PDE10A: variants seen among roughly 807,000 people sequenced by gnomAD.
The protein encoded by PDE10A is cAMP and cAMP-inhibited cGMP 3',5'-cyclic phosphodiesterase 10A.
In PDE10A, 39 loss-of-function variants were observed where a neutral mutation model predicts 97.7. That is an observed-to-expected ratio of 0.40 (90% CI 0.31 to 0.52). The LOEUF is 0.52. Among genes scored for constraint, PDE10A ranks in the 20% least tolerant of loss-of-function variants. PDE10A has a pLI of 0.56. For synonymous variants in PDE10A, 371 were observed against 376.8 expected, an observed-to-expected ratio of 0.98 and a Z score of 0.18; for missense variants, 731 against 1,047.8, an observed-to-expected ratio of 0.70 and a Z score of 4.17.
intron 1 of PDE10A, among the ~76,000 whole-genome samples, chr6:165,950,407 T>A (rs1197762690): frequency 1.3e-5 from 2 of 152,216 alleles, no homozygotes; most frequent in Non-Finnish European, 2.9e-5. Flanking sequence ...AATTTTTAGC[T>A]TCTGATTTCT....
rs1554256589 is a variant in PDE10A at position 165,406,228 on chromosome 6, A to ATGTGTGTGTTTGTGTG, written c.2076+7272_2076+7273insCACACAAACACACACA. ...TTCAAATTCAAGATGAGGGAAAAGG[A>ATGTGTGTGTTTGTGTG]TGTGTGTGTGTGTGTGTGTGTGTGT... On this transcript the variant is annotated intron_variant, in intron 13 of 21. Transcript: ENST00000539869. 2.0e-3 allele frequency among the ~76,000 whole-genome samples: 274 copies of ATGTGTGTGTTTGTGTG among 140,512 alleles called. 1 individual carries two copies. Among genetic ancestry groups the ATGTGTGTGTTTGTGTG allele is most frequent in the East Asian group, 0.016 (80 of 4,908 alleles). The allele number at this position is 140,512 out of a possible 152,430, so 92.2% of individuals were successfully genotyped here.
At chr6:165,742,726 T>C (rs1047024325) in intron 1 of PDE10A, among the ~76,000 whole-genome samples, 13 of 152,128 alleles carry the variant, frequency 8.5e-5, no homozygotes, top group Non-Finnish European at 1.5e-4. Context: ...TGTAGATAAG[T>C]GGTCCCAGCT....
chr6:165,888,279 T>G (rs1781684332), intron 1 of PDE10A, among the ~76,000 whole-genome samples: 1 of 148,656 alleles, frequency 6.7e-6, no homozygotes, highest in African/African-American at 2.6e-5. Context: ...TACCTATGCT[T>G]GCTTTTCTTT....
chr6:165,542,606 CTTG>C (rs993057461), intron 2 of PDE10A, among the ~76,000 whole-genome samples: 1 of 133,330 alleles, frequency 7.5e-6, no homozygotes, highest in Non-Finnish European at 1.6e-5. Flanking sequence ...AAAAGATGTC[CTTG>C]TTCTTTTTTT....
intron 3 of PDE10A, among the ~76,000 whole-genome samples, chr6:165,457,414 C>G (rs1051559785): frequency 6.6e-6 from 1 of 152,130 alleles, no homozygotes; most frequent in Non-Finnish European, 1.5e-5. Flanking sequence ...CTGTTCCACG[C>G]TGATTTCATG....
intron 16 of PDE10A, among the ~76,000 whole-genome samples, chr6:165,391,035 C>T (rs1310542803): frequency 2.0e-5 from 3 of 152,102 alleles, no homozygotes; most frequent in African/African-American, 7.2e-5. Context: ...TAAAAGTTAT[C>T]ATCTTTCCAG....
intron 2 of PDE10A, among the ~76,000 whole-genome samples, chr6:165,496,908 A>G (rs1199254951): frequency 1.3e-5 from 2 of 152,206 alleles, no homozygotes; most frequent in African/African-American, 4.8e-5. Context: ...TTTAAGCATC[A>G]AAAGCTAAGC....
intron 1 of PDE10A, among the ~76,000 whole-genome samples, chr6:165,659,270 C>A (rs577948027): frequency 2.0e-5 from 3 of 151,060 alleles, no homozygotes; most frequent in Admixed American, 2.0e-4. Flanking sequence ...AACAGAAGAT[C>A]AAACTGAAAG....
At chr6:165,348,073 A>C (rs1782436612) in intron 18 of PDE10A, among the ~76,000 whole-genome samples, 1 of 152,200 alleles carries the variant, frequency 6.6e-6, no homozygotes, top group African/African-American at 2.4e-5. Context: ...AAAGACTTCA[A>C]GGGAAGTGGA....
chr6:165,815,114 G>T (rs533476500), intron 1 of PDE10A, among the ~76,000 whole-genome samples: 4 of 152,312 alleles, frequency 2.6e-5, no homozygotes, highest in African/African-American at 9.6e-5. Context: ...AAATAGATGA[G>T]CAGGAGAGGC....
intron 2 of PDE10A, among the ~76,000 whole-genome samples, chr6:165,490,343 C>A (rs918392671): frequency 2.6e-5 from 4 of 152,120 alleles, no homozygotes; most frequent in African/African-American, 7.2e-5. Flanking sequence ...TCCAGTGAAA[C>A]TAAGCTTCAA....
chr6:165,788,016 C>T (rs1319230151), intron 1 of PDE10A, among the ~76,000 whole-genome samples: 3 of 152,134 alleles, frequency 2.0e-5, no homozygotes, highest in Non-Finnish European at 4.4e-5. Flanking sequence ...TATAGACATT[C>T]ATTTAAATCT....
At chr6:165,604,520 A>T (rs949182325) in intron 1 of PDE10A, among the ~76,000 whole-genome samples, 220 of 32,570 alleles carry the variant, frequency 6.8e-3, no homozygotes, top group African/African-American at 0.039. Context: ...CTCTTTGTTA[A>T]AAAAAAAAAA....
intron 1 of PDE10A, among the ~76,000 whole-genome samples, chr6:165,596,310 G>C (rs182426443): frequency 2.1e-4 from 32 of 152,302 alleles, no homozygotes; most frequent in African/African-American, 7.7e-4. Flanking sequence ...ACCAGCCCTT[G>C]CCTGGTTTGG....
Position 165,390,145 on chromosome 6 carries a change from G to GA in PDE10A, c.2455-1693dup, listed in dbSNP as rs970851254. ...AAGTCTGAGGAAAGAGAAGGATTAA[G>GA]AAAAAAACAACAAAACAAAAACAAA... On this transcript the variant is annotated intron_variant, in intron 16 of 21. Coordinates refer to ENST00000539869, the MANE Select transcript of PDE10A (RefSeq NM_001385079.1). Among the ~76,000 whole-genome samples, 324 of 152,172 alleles carry GA rather than the reference G, an allele frequency of 2.1e-3. 1 individual carries two copies. The highest frequency in any genetic ancestry group is 6.7e-3 in the African/African-American group (277 of 41,524).
In PDE10A at chr6:165,749,650, C is replaced by G. The variant is rs77741514; in HGVS notation, c.-614-206082G>C. Among the ~76,000 whole-genome samples, 274 of 152,362 alleles carry G rather than the reference C, an allele frequency of 1.8e-3. 1 individual carries two copies. The highest frequency in any genetic ancestry group is 6.1e-3 in the African/African-American group (253 of 41,598). On this transcript the variant is annotated intron_variant, in intron 1 of 19. Coordinates refer to the PDE10A transcript ENST00000366882. ...GTTGGATGCACCTTTTAATGCACCT[C>G]CATATTGACACACTTACAGATTAAT...
intron 18 of PDE10A, among the ~76,000 whole-genome samples, chr6:165,371,845 C>A (rs980986731): frequency 6.6e-6 from 1 of 152,008 alleles, no homozygotes; most frequent in African/African-American, 2.4e-5. Context: ...ACTGGCAAAC[C>A]AAATCCAGCA....
intron 1 of PDE10A, among the ~76,000 whole-genome samples, chr6:165,864,140 C>T (rs2128477245): frequency 6.6e-6 from 1 of 151,630 alleles, no homozygotes; most frequent in African/African-American, 2.4e-5. Context: ...GCTGTTCTGG[C>T]CCATTTACTA....
At chr6:165,928,189 A>G (rs1216361135) in intron 1 of PDE10A, among the ~76,000 whole-genome samples, 1 of 152,146 alleles carries the variant, frequency 6.6e-6, no homozygotes, top group African/African-American at 2.4e-5. Flanking sequence ...GTAGGTAAAA[A>G]GGGGGAAAAC....
Sources: allele counts gnomAD v4.1 joint callset (sites outside exome capture counted in the v4.1 genomes callset), GRCh38; gene constraint gnomAD v4.1.1; transcripts MANE v1.5; gene names NCBI Gene and HGNC (gene_info 2026-07-23, HGNC 2026-07-21).